The following ITGA6 variants were observed in gnomAD, a reference collection of about 807,000 sequenced individuals.
ITGA6 encodes integrin subunit alpha 6.
In ITGA6, 63 loss-of-function variants were observed where a neutral mutation model predicts 133.6. The ratio of observed to expected loss-of-function variants is 0.47; its 90% CI spans 0.38 to 0.58. The LOEUF (loss-of-function observed/expected upper bound fraction) is 0.58. Ranked by LOEUF, ITGA6 falls within the 20% of genes least tolerant of loss-of-function variation. The probability of loss-of-function intolerance (pLI) is 0.00; values close to 1 mark genes in which losing one functional copy is unlikely to be tolerated. For missense variants in ITGA6, 1,068 were observed against 1,309.4 expected (o/e 0.82, Z 2.85); for synonymous variants, 434 against 482.0 (o/e 0.90, Z 1.30).
In ITGA6 at chr2:172,505,970, GATGA is replaced by G. The variant is rs1168514062; in HGVS notation, c.*1906_*1909del. 6.6e-6 allele frequency: 1 copy of G among 152,198 alleles called. No homozygotes were observed. The highest frequency in any genetic ancestry group is 1.5e-5 in the Non-Finnish European group (1 of 67,880). The allele number at this position is 152,198 out of a possible 1,614,324, so 9.4% of individuals were successfully genotyped here. A position where few individuals can be genotyped will look rare whatever the true frequency, so the allele number is the denominator to read the frequency against. ...TTTAGACCTGTGTTACTAAAAAAAA[GATGA>G]ATGTCCTGAAAAGGGTGTTGGGAGG... On this transcript the variant is annotated 3_prime_UTR_variant, in exon 26 of 26. Transcript: ENST00000684293.
chr2:172,481,901 T>C (rs1686459633), intron 11 of ITGA6, among the ~76,000 whole-genome samples: 1 of 152,244 alleles, frequency 6.6e-6, no homozygotes, highest in African/African-American at 2.4e-5. Context: ...CCAAATGCCA[T>C]ACCTTACACT....
chr2:172,452,890 C>T (rs1487969161), intron 1 of ITGA6, among the ~76,000 whole-genome samples: 1 of 152,152 alleles, frequency 6.6e-6, no homozygotes, highest in East Asian at 1.9e-4. Context: ...TAAGGCTAAG[C>T]TGTTAGTAAG....
At chr2:172,500,244 A>G (rs1248454045) in intron 24 of ITGA6, among the ~76,000 whole-genome samples, 25 of 142,846 alleles carry the variant, frequency 1.8e-4, no homozygotes, top group Non-Finnish European at 3.2e-4. Flanking sequence ...TTGCAGGTGA[A>G]AAAAAAAAAA....
chr2:172,471,198 G>A (rs1420822130), intron 5 of ITGA6, 93 bp downstream of exon 5: 2 of 1,490,008 alleles, frequency 1.3e-6, no homozygotes, highest in Admixed American at 3.4e-5. Flanking sequence ...GGACTTCTAG[G>A]CTGAGAAGAG....
At chr2:172,430,764 T>G (rs1684073346) in intron 1 of ITGA6, among the ~76,000 whole-genome samples, 1 of 152,216 alleles carries the variant, frequency 6.6e-6, no homozygotes, top group Admixed American at 6.5e-5. Flanking sequence ...TAAAGAAGTT[T>G]CGGACTCCAA....
chr2:172,444,141 C>A (rs1328418966), intron 1 of ITGA6, among the ~76,000 whole-genome samples: 1 of 152,158 alleles, frequency 6.6e-6, no homozygotes, highest in East Asian at 1.9e-4. Flanking sequence ...ACAGATAATC[C>A]ATAGTGATAC....
intron 1 of ITGA6, among the ~76,000 whole-genome samples, chr2:172,461,803 C>T (rs1685436527): frequency 6.6e-6 from 1 of 152,154 alleles, no homozygotes; most frequent in Non-Finnish European, 1.5e-5. Context: ...TAGACTGTCC[C>T]TCCTGGACCT....
intron 1 of ITGA6, among the ~76,000 whole-genome samples, chr2:172,463,887 G>A (rs1685536613): frequency 6.6e-6 from 1 of 152,198 alleles, no homozygotes; most frequent in Non-Finnish European, 1.5e-5. Context: ...CTGGGATCGG[G>A]GACATCACTG....
intron 3 of ITGA6, 57 bp from the exon 4 acceptor site, chr2:172,469,068 T>C: frequency 6.3e-7 from 1 of 1,595,970 alleles, no homozygotes; most frequent in Non-Finnish European, 8.6e-7. Context: ...CATATGTAAT[T>C]TTTTAAAAAC....
intron 25 of ITGA6, 73 bp from the exon 26 acceptor site, chr2:172,504,018 A>C: frequency 3.3e-6 from 4 of 1,197,516 alleles, no homozygotes; most frequent in Non-Finnish European, 3.5e-6. Context: ...CAGAAAGCTT[A>C]GACATTCCCA....
intron 13 of ITGA6, among the ~76,000 whole-genome samples, chr2:172,486,362 T>C (rs1434495728): frequency 6.6e-6 from 1 of 152,082 alleles, no homozygotes; most frequent in Non-Finnish European, 1.5e-5. Context: ...TATTTCTGTA[T>C]ACTTTTATGT....
chr2:172,465,577 T>C lies in ITGA6; in HGVS notation c.221T>C (p.Leu74Pro), dbSNP rs766981406. 6.2e-7 allele frequency: 1 copy of C among 1,614,242 alleles called. No individual in the cohort carries two copies. The highest frequency in any genetic ancestry group is 1.1e-5 in the South Asian group (1 of 91,082). The change falls in exon 2 of 26, where the codon CTG becomes CCG. Residue 74 changes from leucine to proline, a missense_variant. This residue lies in a region of ITGA6 where 142 missense variants were observed against 145.3 expected (regional missense o/e 0.98). Coordinates refer to ENST00000684293, the MANE Select transcript of ITGA6 (RefSeq NM_000210.4). ...VGAPRAEALPLQRANRTGGLY... is the reference protein window; with the variant it reads ...VGAPRAEALPPQRANRTGGLY... The stretch of plus-strand genomic sequence containing the variant: ...GCCCCGCGGGCAGAAGCGCTTCCAC[T>C]GCAGAGAGCCAACAGAACGGGAGGG...
chr2:172,498,335 T>A (rs1463213133), intron 24 of ITGA6, among the ~76,000 whole-genome samples: 1 of 152,222 alleles, frequency 6.6e-6, no homozygotes, highest in Admixed American at 6.5e-5. Flanking sequence ...CATTTGTCTC[T>A]CACACATAAT....
intron 11 of ITGA6, among the ~76,000 whole-genome samples, chr2:172,483,773 A>T (rs1484927663): frequency 6.6e-6 from 1 of 151,778 alleles, no homozygotes; most frequent in Non-Finnish European, 1.5e-5. Flanking sequence ...CCCTCCATCC[A>T]CTCAAAAATA....
intron 2 of ITGA6, among the ~76,000 whole-genome samples, chr2:172,466,984 T>G (rs1162777928): frequency 1.3e-5 from 2 of 152,196 alleles, no homozygotes; most frequent in Non-Finnish European, 2.9e-5. Context: ...TACAAGATCC[T>G]AAAGTAAATC....
intron 23 of ITGA6, among the ~76,000 whole-genome samples, chr2:172,497,596 CTT>C (rs756382133): frequency 6.6e-6 from 1 of 151,514 alleles, no homozygotes; most frequent in Non-Finnish European, 1.5e-5. Context: ...AACTGGGTAT[CTT>C]TTTGAGAGCA....
At chr2:172,492,499 T>G (rs191604503) in intron 23 of ITGA6, among the ~76,000 whole-genome samples, 5 of 152,376 alleles carry the variant, frequency 3.3e-5, no homozygotes, top group African/African-American at 1.2e-4. Context: ...ATCATTTGCT[T>G]TCTCAACTTT....
chr2:172,489,517 C>T lies in ITGA6; in HGVS notation c.2538C>T (p.Leu846=), dbSNP rs181814375. 1.6e-4 allele frequency: 260 copies of T among 1,613,780 alleles called. No homozygotes were observed. The East Asian group carries it at 5.1e-3, about 32-fold the overall frequency. ...VINLGKPLTN[L]GTATLNIQWP... ...ACTTAGGTAAACCTCTTACAAACCT[C>T]GGCACAGCAACCTTGAACATTCAGT... The change falls in exon 20 of 26, where the codon CTC becomes CTT. Residue 846 remains leucine (L), a synonymous_variant. Transcript: ENST00000684293.
At chr2:172,446,231 C>T (rs1301934947) in intron 1 of ITGA6, among the ~76,000 whole-genome samples, 1 of 152,176 alleles carries the variant, frequency 6.6e-6, no homozygotes, top group Non-Finnish European at 1.5e-5. Context: ...TGGTGACCCA[C>T]CAGGTGTGAG....
Sources: allele counts gnomAD v4.1 joint callset (sites outside exome capture counted in the v4.1 genomes callset), GRCh38; gene constraint gnomAD v4.1.1; regional missense constraint gnomAD v4.1.1; transcripts MANE v1.5; gene names NCBI Gene and HGNC (gene_info 2026-07-23, HGNC 2026-07-21).